Variants in L3MBTL4 observed in about 807,000 individuals in gnomAD.
The protein encoded by L3MBTL4 is lethal(3)malignant brain tumor-like protein 4.
L3MBTL4 carries 70 observed loss-of-function variants against 84.5 expected under a neutral mutation model. The ratio of observed to expected loss-of-function variants is 0.83; its 90% CI spans 0.68 to 1.01. L3MBTL4 has a LOEUF of 1.01. Among genes scored for constraint, L3MBTL4 ranks in the 50% least tolerant of loss-of-function variants. The pLI is 0.00. For missense variants in L3MBTL4, 715 were observed against 754.8 expected, an observed-to-expected ratio of 0.95 and a Z score of 0.62; for synonymous variants, 274 against 259.8, an observed-to-expected ratio of 1.05 and a Z score of -0.52.
chr18:5,972,907 T>C (rs759949977), intron 16 of L3MBTL4, among the ~76,000 whole-genome samples: 16 of 15,676 alleles, frequency 1.0e-3, no homozygotes, highest in African/African-American at 5.9e-3. Flanking sequence ...TAGAATAGAA[T>C]AGAATAGAAT....
chr18:6,319,396 T>C (rs902436753), intron 1 of L3MBTL4, among the ~76,000 whole-genome samples: 6 of 151,512 alleles, frequency 4.0e-5, no homozygotes, highest in African/African-American at 1.2e-4. Context: ...AAAATAAAAA[T>C]AAAATACAAT....
At chr18:6,304,769 T>C (rs1406920749) in intron 3 of L3MBTL4, among the ~76,000 whole-genome samples, 5 of 152,188 alleles carry the variant, frequency 3.3e-5, no homozygotes, top group South Asian at 2.1e-4. Context: ...AATTTACATA[T>C]GTAATTCAAA....
chr18:6,185,648 T>C (rs1304981078), intron 12 of L3MBTL4, among the ~76,000 whole-genome samples: 1 of 152,104 alleles, frequency 6.6e-6, no homozygotes, highest in Non-Finnish European at 1.5e-5. Flanking sequence ...TGCCTGCTGG[T>C]TCCTGCAGGA....
At chr18:6,167,913 A>G (rs1205686691) in intron 13 of L3MBTL4, among the ~76,000 whole-genome samples, 1 of 152,210 alleles carries the variant, frequency 6.6e-6, no homozygotes, top group Non-Finnish European at 1.5e-5. Flanking sequence ...ACATGATTGC[A>G]TATCTAGAAA....
At chr18:6,384,853 T>A (rs1371758101) in intron 1 of L3MBTL4, among the ~76,000 whole-genome samples, 1 of 152,130 alleles carries the variant, frequency 6.6e-6, no homozygotes, top group Non-Finnish European at 1.5e-5. Flanking sequence ...GAGGCTCACC[T>A]GGGACAAGAA....
At chr18:6,085,039 G>A (rs2143409326) in intron 15 of L3MBTL4, among the ~76,000 whole-genome samples, 1 of 152,292 alleles carries the variant, frequency 6.6e-6, no homozygotes, top group African/African-American at 2.4e-5. Flanking sequence ...TTTATTCTCA[G>A]TCAAGCAAAA....
intron 1 of L3MBTL4, among the ~76,000 whole-genome samples, chr18:6,376,572 A>G (rs1159050858): frequency 6.6e-6 from 1 of 151,960 alleles, no homozygotes; most frequent in Non-Finnish European, 1.5e-5. Context: ...CCATCTGTAC[A>G]ACAACAACAA....
At chr18:6,316,899 AG>A (rs2051133505) in intron 1 of L3MBTL4, among the ~76,000 whole-genome samples, 1 of 152,070 alleles carries the variant, frequency 6.6e-6, no homozygotes, top group Non-Finnish European at 1.5e-5. Context: ...TACTGCATTT[AG>A]CCACCTGCTT....
chr18:6,275,267 G>A (rs963599235), intron 4 of L3MBTL4, among the ~76,000 whole-genome samples: 12 of 152,204 alleles, frequency 7.9e-5, no homozygotes, highest in Non-Finnish European at 1.8e-4. Context: ...AGAAGGGGCA[G>A]CCAGAGAAAC....
At chr18:6,124,427 T>G (rs2059623280) in intron 14 of L3MBTL4, among the ~76,000 whole-genome samples, 1 of 148,274 alleles carries the variant, frequency 6.7e-6, no homozygotes, top group African/African-American at 2.5e-5. Flanking sequence ...TATATACAGT[T>G]ATATTATTAT....
At chr18:6,332,729 A>G (rs2052104965) in intron 1 of L3MBTL4, among the ~76,000 whole-genome samples, 1 of 152,258 alleles carries the variant, frequency 6.6e-6, no homozygotes, top group African/African-American at 2.4e-5. Context: ...ACTAGCCTCT[A>G]GAGTCAGCCA....
chr18:6,411,849 T>C (rs1024884839), intron 1 of L3MBTL4, among the ~76,000 whole-genome samples: 1 of 152,204 alleles, frequency 6.6e-6, no homozygotes, highest in Non-Finnish European at 1.5e-5. Context: ...TTTCTGTTGT[T>C]TAAGGATGAG....
intron 16 of L3MBTL4, among the ~76,000 whole-genome samples, chr18:5,998,860 T>C (rs2054094966): frequency 6.6e-6 from 1 of 152,214 alleles, no homozygotes; most frequent in African/African-American, 2.4e-5. Flanking sequence ...TCACCTGGGA[T>C]AGTCTCTGCC....
intron 13 of L3MBTL4, among the ~76,000 whole-genome samples, chr18:6,167,864 A>G (rs145555919): frequency 6.6e-6 from 1 of 152,354 alleles, no homozygotes; most frequent in African/African-American, 2.4e-5. Context: ...AGGGCATTCA[A>G]TTAGGAAAAC....
chr18:6,198,244 C>T (rs1165211204), intron 12 of L3MBTL4, among the ~76,000 whole-genome samples: 2 of 152,222 alleles, frequency 1.3e-5, no homozygotes, highest in Non-Finnish European at 2.9e-5. Flanking sequence ...TCACTCTCAA[C>T]AGTAGTGAAG....
chr18:5,980,960 T>C (rs924401067), intron 16 of L3MBTL4, among the ~76,000 whole-genome samples: 1 of 152,174 alleles, frequency 6.6e-6, no homozygotes, highest in Non-Finnish European at 1.5e-5. Flanking sequence ...AGGATGGCAA[T>C]TGCTGGCTGT....
intron 1 of L3MBTL4, among the ~76,000 whole-genome samples, chr18:6,384,534 C>A (rs926874290): frequency 6.6e-6 from 1 of 152,208 alleles, no homozygotes; most frequent in African/African-American, 2.4e-5. Flanking sequence ...CTTATAAAAA[C>A]TCTCTCTTCT....
chr18:6,292,284 T>C (rs569228414), intron 4 of L3MBTL4, among the ~76,000 whole-genome samples: 2 of 152,382 alleles, frequency 1.3e-5, no homozygotes, highest in South Asian at 4.1e-4. Context: ...TTTGAGGTTT[T>C]GAATTATTAT....
At chr18:6,358,155 C>A (rs960322650) in intron 1 of L3MBTL4, among the ~76,000 whole-genome samples, 1 of 152,252 alleles carries the variant, frequency 6.6e-6, no homozygotes, top group Admixed American at 6.5e-5. Flanking sequence ...TTTGTAAAAT[C>A]AGTGGATGAG....
Sources: gnomAD v4.1 joint callset for allele counts (sites outside exome capture counted in the v4.1 genomes callset) on GRCh38, gnomAD v4.1.1 for gene constraint, MANE v1.5 for transcripts, NCBI Gene and HGNC (gene_info 2026-07-23, HGNC 2026-07-21) for gene names.